BANK1: variants seen among roughly 807,000 people sequenced by gnomAD.
BANK1 encodes the protein B cell scaffold protein with ankyrin repeats 1.
In BANK1, 95 loss-of-function variants were observed where a neutral mutation model predicts 94.5. The ratio of observed to expected loss-of-function variants is 1.00; its 90% confidence interval spans 0.85 to 1.19. The LOEUF is 1.19. Among genes scored for constraint, BANK1 ranks in the 50% most tolerant of loss-of-function variants. The probability of loss-of-function intolerance (pLI) is 0.00; values close to 1 mark genes in which losing one functional copy is unlikely to be tolerated. For synonymous variants in BANK1, 334 were observed against 308.4 expected (o/e 1.08, Z -0.87); for missense variants, 987 against 932.2 (o/e 1.06, Z -0.77).
intron 1 of BANK1, among the ~76,000 whole-genome samples, chr4:101,813,210 C>T (rs1174652110): frequency 6.6e-6 from 1 of 152,030 alleles, no homozygotes; most frequent in Non-Finnish European, 1.5e-5. Flanking sequence ...ATTTGGCCCT[C>T]ATCTAACAAA....
At chr4:101,818,029 C>T (rs1725985590) in intron 1 of BANK1, among the ~76,000 whole-genome samples, 1 of 152,098 alleles carries the variant, frequency 6.6e-6, no homozygotes, top group Non-Finnish European at 1.5e-5. Flanking sequence ...CACACTCTGG[C>T]ACAAATGTAT....
rs149063960 is a variant in BANK1, at chr4:101,807,704, C to T, written c.70+16754C>T. Among the ~76,000 whole-genome samples the T allele has an allele frequency of 7.3e-3, 1,109 of 152,176 alleles. 12 individuals are homozygous for T. The highest frequency in any genetic ancestry group is 0.026 in the African/African-American group (1,062 of 41,508). The stretch of plus-strand genomic sequence containing the variant: ...CTGATTCCATAGGTGGTGTTATCCA[C>T]GTGTTACAAGCAGGAAATCTAGGCA... On this transcript the variant is annotated intron_variant, in intron 1 of 16. Coordinates refer to ENST00000322953, the MANE Select transcript of BANK1 (RefSeq NM_017935.5).
At chr4:101,915,891 A>G (rs1284414251) in intron 6 of BANK1, among the ~76,000 whole-genome samples, 1 of 152,074 alleles carries the variant, frequency 6.6e-6, no homozygotes, top group Non-Finnish European at 1.5e-5. Context: ...AACACCTCAC[A>G]TGTTATATAA....
intron 1 of BANK1, among the ~76,000 whole-genome samples, chr4:101,793,089 A>C (rs1725050800): frequency 6.6e-6 from 1 of 152,114 alleles, no homozygotes; most frequent in Non-Finnish European, 1.5e-5. Context: ...ATTTTTATTG[A>C]TATTATTGGA....
chr4:101,888,866 C>G (rs1721731606), intron 5 of BANK1, among the ~76,000 whole-genome samples: 1 of 152,150 alleles, frequency 6.6e-6, no homozygotes, highest in Non-Finnish European at 1.5e-5. Context: ...AAATACTTCC[C>G]AGCTATTTAC....
At position 102,021,604 on chromosome 4, in the gene BANK1, C is replaced by T. The variant is rs2631261; in HGVS notation, c.1285+12C>T. The stretch of plus-strand genomic sequence containing the variant: ...CACATATATTCCTTGTAAGTTTTTC[C>T]ATGTTATATATATATATGACATATT... On this transcript the variant is annotated intron_variant, in intron 8 of 16. Coordinates refer to ENST00000322953, the MANE Select transcript of BANK1 (RefSeq NM_017935.5). 274,609 of 1,139,418 alleles carry T rather than the reference C, an allele frequency of 0.24. 38,404 individuals are homozygous for T. Among genetic ancestry groups the T allele is most frequent in the African/African-American group, 0.6 (36,918 of 61,256 alleles). The allele number at this position is 1,139,418 out of a possible 1,614,324, so 70.6% of individuals were successfully genotyped here. A position where few individuals can be genotyped will look rare whatever the true frequency, so the allele number is the denominator to read the frequency against.
chr4:101,856,374 G>C (rs1302976692), intron 3 of BANK1, among the ~76,000 whole-genome samples: 1 of 125,488 alleles, frequency 8.0e-6, no homozygotes, highest in Middle Eastern at 3.6e-3. Context: ...AAATTACAAG[G>C]GCTCAGAACT....
intron 6 of BANK1, among the ~76,000 whole-genome samples, chr4:101,902,456 G>A (rs1013008775): frequency 1.3e-5 from 2 of 152,088 alleles, no homozygotes; most frequent in Non-Finnish European, 1.5e-5. Flanking sequence ...TTTGTATAAA[G>A]GGTATTTGGA....
intron 7 of BANK1, among the ~76,000 whole-genome samples, chr4:101,970,421 A>G (rs1176836377): frequency 1.3e-5 from 2 of 152,146 alleles, no homozygotes; most frequent in Non-Finnish European, 2.9e-5. Context: ...AGTAACTGTG[A>G]AAAAGTTTCA....
At chr4:101,874,415 A>T (rs186239260) in intron 5 of BANK1, among the ~76,000 whole-genome samples, 106 of 152,234 alleles carry the variant, frequency 7.0e-4, no homozygotes, top group African/African-American at 2.4e-3. Flanking sequence ...CCATCGAGAG[A>T]TACTGGGAAG....
chr4:101,983,295 A>C (rs1196801662), intron 7 of BANK1, among the ~76,000 whole-genome samples: 1 of 152,066 alleles, frequency 6.6e-6, no homozygotes, highest in Non-Finnish European at 1.5e-5. Context: ...AATGTATGGA[A>C]ATCTTTTAGA....
intron 6 of BANK1, among the ~76,000 whole-genome samples, chr4:101,903,893 C>T (rs571174780): frequency 1.1e-4 from 16 of 152,154 alleles, no homozygotes; most frequent in Admixed American, 6.5e-4. Flanking sequence ...TAAACCAGCA[C>T]GAGAAATTGA....
chr4:101,953,781 A>T (rs1163381698), intron 7 of BANK1, among the ~76,000 whole-genome samples: 3 of 152,156 alleles, frequency 2.0e-5, no homozygotes, highest in East Asian at 1.9e-4. Context: ...CCTAAATTTT[A>T]TTGTCAGTTG....
intron 2 of BANK1, among the ~76,000 whole-genome samples, chr4:101,835,052 A>G (rs1726772782): frequency 6.6e-6 from 1 of 151,908 alleles, no homozygotes; most frequent in African/African-American, 2.4e-5. Context: ...ATCCAGCTGT[A>G]TTTACTCTTT....
At position 101,814,484 on chromosome 4, in the gene BANK1, G is replaced by A. The variant is rs549684269; in HGVS notation, c.71-15324G>A. The stretch of plus-strand genomic sequence containing the variant: ...TTTTCTTTTTCTCGGAACTAGGAAA[G>A]CAAAATTAGATTTGCTGGTGAAACT... On this transcript the variant is annotated intron_variant, in intron 1 of 16. Transcript: ENST00000322953. 1.4e-4 allele frequency among the ~76,000 whole-genome samples: 21 copies of A among 152,306 alleles called. No individual in the cohort carries two copies. In the South Asian group the frequency reaches 4.4e-3, roughly 32 times the overall value.
intron 1 of BANK1, among the ~76,000 whole-genome samples, chr4:101,798,568 G>T (rs1336763508): frequency 6.6e-6 from 1 of 152,132 alleles, no homozygotes; most frequent in Non-Finnish European, 1.5e-5. Context: ...CTAGTTTACA[G>T]TCCCACCAAC....
chr4:101,942,287 T>C (rs1006861308), intron 7 of BANK1, among the ~76,000 whole-genome samples: 1 of 151,886 alleles, frequency 6.6e-6, no homozygotes, highest in Non-Finnish European at 1.5e-5. Context: ...TTAATGCATA[T>C]GAAAGTTCTA....
chr4:102,066,320 G>C (rs1227644249), intron 13 of BANK1, among the ~76,000 whole-genome samples: 4 of 149,370 alleles, frequency 2.7e-5, no homozygotes, highest in East Asian at 2.0e-4. Flanking sequence ...GCAGTGGCAC[G>C]ATCTCGGCTC....
intron 7 of BANK1, among the ~76,000 whole-genome samples, chr4:101,971,668 A>G (rs1399546948): frequency 1.3e-5 from 2 of 152,060 alleles, no homozygotes; most frequent in Non-Finnish European, 2.9e-5. Context: ...TGATTTTTGT[A>G]TATAGTATGA....
Sources: allele counts gnomAD v4.1 joint callset (sites outside exome capture counted in the v4.1 genomes callset), GRCh38; gene constraint gnomAD v4.1.1; transcripts MANE v1.5; gene names NCBI Gene and HGNC (gene_info 2026-07-23, HGNC 2026-07-21).